Variants in FRMD4A observed in about 807,000 individuals in gnomAD.
The protein encoded by FRMD4A is FERM domain-containing protein 4A.
In FRMD4A, 29 loss-of-function variants were observed where a neutral mutation model predicts 129.1. The observed-to-expected ratio is 0.22, with a 90% CI of 0.17 to 0.31. FRMD4A has a LOEUF of 0.31. FRMD4A is among the 10% of genes least tolerant of loss of function. The pLI, the probability that FRMD4A is intolerant of heterozygous loss-of-function variation, is 1.00. For synonymous variants in FRMD4A, 634 were observed against 571.6 expected (o/e 1.11, Z -1.56); for missense variants, 1,272 against 1,375.8 (o/e 0.92, Z 1.19).
At chr10:13,966,247 T>G (rs183045533) in intron 2 of FRMD4A, among the ~76,000 whole-genome samples, 1 of 152,342 alleles carries the variant, frequency 6.6e-6, no homozygotes, top group East Asian at 1.9e-4. Context: ...GGTCTCGAAC[T>G]CCTGACCTCA....
intron 3 of FRMD4A, among the ~76,000 whole-genome samples, chr10:13,849,385 C>G (rs2131003962): frequency 6.6e-6 from 1 of 152,258 alleles, no homozygotes; most frequent in East Asian, 1.9e-4. Flanking sequence ...CCACACTACT[C>G]AGTTGGGAAG....
intron 2 of FRMD4A, among the ~76,000 whole-genome samples, chr10:13,991,547 G>GGCCTACCA (rs1388879181): frequency 1.3e-5 from 2 of 152,134 alleles, no homozygotes. Context: ...GTTCTGTCAG[G>GGCCTACCA]GCCTAACATT....
intron 2 of FRMD4A, among the ~76,000 whole-genome samples, chr10:13,963,442 A>G (rs948849877): frequency 6.6e-6 from 1 of 152,226 alleles, no homozygotes; most frequent in Non-Finnish European, 1.5e-5. Context: ...TGAGAATCAA[A>G]GCCCAACTTT....
In FRMD4A at chr10:14,235,250, C is replaced by A. The variant is rs529944619; in HGVS notation, c.45+94808G>T. 7.2e-4 allele frequency among the ~76,000 whole-genome samples: 103 copies of A among 143,058 alleles called. 4 individuals carry two copies. The highest frequency in any genetic ancestry group is 2.5e-3 in the African/African-American group (98 of 39,068). 93.9% of individuals were successfully genotyped at this position (143,058 alleles called of 152,430 possible). On this transcript the variant is annotated intron_variant, in intron 2 of 24. Transcript: ENST00000357447. ...CTGCAAGCTCCGCCTCCCGGGTTCA[C>A]GCCATTCTCCGGCCTCAGCCTCCCG...
rs144747631 is a variant in FRMD4A, at chr10:13,678,647, A to C, written c.1118-3603T>G. 5.5e-3 allele frequency among the ~76,000 whole-genome samples: 836 copies of C among 152,346 alleles called. 5 individuals are homozygous for C. The highest frequency in any genetic ancestry group is 0.018 in the African/African-American group (761 of 41,578). ...CCTAGTAGAATTAGAAAGAGAAATCATTGCAACTGCCTCTTCACTGTTGCT... is the reference window on the plus strand; with the variant it reads ...CCTAGTAGAATTAGAAAGAGAAATCCTTGCAACTGCCTCTTCACTGTTGCT... On this transcript the variant is annotated intron_variant, in intron 15 of 24. Coordinates refer to ENST00000357447, the MANE Select transcript of FRMD4A (RefSeq NM_018027.5).
intron 13 of FRMD4A, among the ~76,000 whole-genome samples, chr10:13,702,565 T>C (rs144702406): frequency 0.029 from 4,336 of 150,730 alleles, 84 homozygotes; most frequent in Non-Finnish European, 0.039. Flanking sequence ...TGTGTGTGTG[T>C]GTGCGCATGC....
At chr10:14,164,846 ACTTT>A (rs1426677565) in intron 2 of FRMD4A, among the ~76,000 whole-genome samples, 2 of 152,174 alleles carry the variant, frequency 1.3e-5, no homozygotes, top group Non-Finnish European at 2.9e-5. Context: ...AAATTCTTCA[ACTTT>A]CTTAAAACAT....
Position 14,007,964 on chromosome 10 carries a change from A to T in FRMD4A, c.46-149052T>A, listed in dbSNP as rs2095667850. ...TCCCAGGAACTCCAACTGTTCAGGA[A>T]ACGTGAGTAACAGAAGTAACGCGGT... On this transcript the variant is annotated intron_variant, in intron 2 of 24. Transcript: ENST00000357447. The T allele has an allele frequency of 5.6e-6, 7 of 1,255,504 alleles. No homozygotes were observed. The South Asian group carries it at 7.9e-5, about 14-fold the overall frequency. 77.8% of individuals were successfully genotyped at this position (1,255,504 alleles called of 1,614,324 possible).
At position 14,143,146 on chromosome 10, in the gene FRMD4A, G is replaced by T. The variant is rs150744418; in HGVS notation, c.45+186912C>A. The stretch of plus-strand genomic sequence containing the variant: ...TTCCACTTCCGGGCATGAGCCAAAA[G>T]AACTGAAAGCAAGGACTCGAAGAGA... On this transcript the variant is annotated intron_variant, in intron 2 of 24. Coordinates refer to ENST00000357447, the MANE Select transcript of FRMD4A (RefSeq NM_018027.5). Among the ~76,000 whole-genome samples, 187 of 152,296 alleles carry T rather than the reference G, an allele frequency of 1.2e-3. 1 individual carries two copies. Among genetic ancestry groups the T allele is most frequent in the African/African-American group, 4.1e-3 (171 of 41,568 alleles).
chr10:13,766,748 G>A (rs1212984142), intron 6 of FRMD4A, among the ~76,000 whole-genome samples: 3 of 152,022 alleles, frequency 2.0e-5, no homozygotes, highest in South Asian at 2.1e-4. Context: ...CTAGACTTCC[G>A]GCTTACTCTG....
At chr10:13,925,858 C>A (rs2095128235) in intron 2 of FRMD4A, among the ~76,000 whole-genome samples, 1 of 147,622 alleles carries the variant, frequency 6.8e-6, no homozygotes, top group Non-Finnish European at 1.5e-5. Context: ...GCTGGGATTA[C>A]AGGGGTGAGC....
intron 8 of FRMD4A, among the ~76,000 whole-genome samples, chr10:13,751,440 T>A (rs1026759246): frequency 6.6e-6 from 1 of 152,270 alleles, no homozygotes; most frequent in Non-Finnish European, 1.5e-5. Context: ...GCTTTTCTGC[T>A]GTTTATAAAC....
At chr10:14,074,991 T>G (rs185186778) in intron 2 of FRMD4A, among the ~76,000 whole-genome samples, 4 of 152,250 alleles carry the variant, frequency 2.6e-5, no homozygotes, top group Non-Finnish European at 4.4e-5. Context: ...TAGTTGACAG[T>G]CTATGTTTCA....
intron 18 of FRMD4A, among the ~76,000 whole-genome samples, 198 bp from the exon 19 acceptor site, chr10:13,663,707 C>G (rs1230952155): frequency 1.3e-5 from 2 of 152,180 alleles, no homozygotes; most frequent in Non-Finnish European, 2.9e-5. Context: ...CCTCCCCACC[C>G]CGACACTGCC....
chr10:14,317,367 T>C (rs1218424), intron 2 of FRMD4A, among the ~76,000 whole-genome samples: 85,602 of 151,968 alleles, frequency 0.56, 24,296 homozygotes, highest in African/African-American at 0.63. Flanking sequence ...TACCTGGAAC[T>C]ACTGTCCACT....
At chr10:13,670,550 C>T (rs773960220) in intron 16 of FRMD4A, 22 bp from the exon 17 acceptor site, 36 of 1,609,500 alleles carry the variant, frequency 2.2e-5, no homozygotes, top group East Asian at 2.0e-4. Context: ...AAATGGCATT[C>T]GGAGTGAGCA....
At chr10:13,649,440 C>A (rs1185497417) in intron 24 of FRMD4A, 1 of 126,782 alleles carries the variant, frequency 7.9e-6, no homozygotes, top group African/African-American at 2.7e-5. Context: ...TCGGGAGGAT[C>A]TGGATGATGG....
intron 11 of FRMD4A, among the ~76,000 whole-genome samples, chr10:13,738,203 A>C (rs1417166773): frequency 6.6e-6 from 1 of 152,126 alleles, no homozygotes; most frequent in African/African-American, 2.4e-5. Context: ...TTTATAAATA[A>C]GGAATGAATG....
At chr10:14,225,833 T>C (rs75782732) in intron 2 of FRMD4A, among the ~76,000 whole-genome samples, 2,043 of 152,330 alleles carry the variant, frequency 0.013, 42 homozygotes, top group African/African-American at 0.046. Context: ...ATGAATAAAC[T>C]GGCGTTTGGG....
Sources: allele counts gnomAD v4.1 joint callset (sites outside exome capture counted in the v4.1 genomes callset), GRCh38; gene constraint gnomAD v4.1.1; transcripts MANE v1.5; gene names NCBI Gene and HGNC (gene_info 2026-07-23, HGNC 2026-07-21).